The following CSMD1 variants were observed in gnomAD, a reference collection of about 807,000 sequenced individuals.
CSMD1 encodes CUB and sushi domain-containing protein 1.
Under a neutral mutation model 417.5 loss-of-function variants are expected in CSMD1, and 213 were observed. That is an observed-to-expected ratio of 0.51 (90% CI 0.46 to 0.57). The LOEUF is 0.57. Among genes scored for constraint, CSMD1 ranks in the 20% least tolerant of loss-of-function variants. The pLI is 0.00. For missense variants in CSMD1, 6,923 were observed against 4,529.7 expected (o/e 1.53, Z -15.17); for synonymous variants, 2,862 against 1,736.8 (o/e 1.65, Z -16.11).
At chr8:4,855,282 A>T (rs1160921347) in intron 1 of CSMD1, among the ~76,000 whole-genome samples, 1 of 151,800 alleles carries the variant, frequency 6.6e-6, no homozygotes, top group Non-Finnish European at 1.5e-5. Context: ...ATCATCAAAG[A>T]CCAAAAGTAG....
At chr8:3,809,827 C>T (rs1032220528) in intron 5 of CSMD1, among the ~76,000 whole-genome samples, 5 of 152,104 alleles carry the variant, frequency 3.3e-5, no homozygotes, top group South Asian at 2.1e-4. Flanking sequence ...ATACTGAAAA[C>T]GCAAGAATGC....
intron 37 of CSMD1, among the ~76,000 whole-genome samples, chr8:3,168,291 G>A (rs891662761): frequency 6.6e-6 from 1 of 152,076 alleles, no homozygotes; most frequent in Non-Finnish European, 1.5e-5. Context: ...ACAACTTGTT[G>A]GCTGTAGTGT....
chr8:3,395,096 T>G (rs564431073), intron 17 of CSMD1, among the ~76,000 whole-genome samples: 1 of 152,022 alleles, frequency 6.6e-6, no homozygotes, highest in Non-Finnish European at 1.5e-5. Context: ...ATGTGGGGAA[T>G]GGAAGGCAAG....
chr8:4,728,675 G>C (rs1809634591), intron 1 of CSMD1, among the ~76,000 whole-genome samples: 1 of 151,946 alleles, frequency 6.6e-6, no homozygotes, highest in South Asian at 2.1e-4. Flanking sequence ...TGCTTAAGTG[G>C]ATAATGCTTC....
chr8:3,745,363 G>A (rs1439165850), intron 6 of CSMD1, among the ~76,000 whole-genome samples: 1 of 152,120 alleles, frequency 6.6e-6, no homozygotes, highest in African/African-American at 2.4e-5. Context: ...CACTGAGACT[G>A]AGCTGACCAG....
At chr8:3,254,442 T>G (rs2117049994) in intron 26 of CSMD1, among the ~76,000 whole-genome samples, 1 of 152,356 alleles carries the variant, frequency 6.6e-6, no homozygotes, top group Middle Eastern at 3.4e-3. Flanking sequence ...ATTGGGGAAG[T>G]TCTCCTGGTT....
At chr8:3,158,052 CCTTT>C in intron 38 of CSMD1, 86 bp from the exon 39 acceptor site, 5 of 1,114,364 alleles carry the variant, frequency 4.5e-6, no homozygotes, top group Non-Finnish European at 5.2e-6. Flanking sequence ...TGCATTTTTT[CCTTT>C]CTTGTTTTAA....
chr8:4,075,854 G>A (rs1585259513), intron 3 of CSMD1, among the ~76,000 whole-genome samples: 1 of 152,202 alleles, frequency 6.6e-6, no homozygotes, highest in Non-Finnish European at 1.5e-5. Flanking sequence ...TTGTCCTCAG[G>A]GAGCCAGTTC....
At position 4,381,264 on chromosome 8, in the gene CSMD1, G is replaced by C. The variant is rs142447345; in HGVS notation, c.415+38689C>G. 7.2e-5 allele frequency among the ~76,000 whole-genome samples: 11 copies of C among 152,250 alleles called. No homozygotes were observed. In the East Asian group the frequency reaches 2.1e-3, roughly 29 times the overall value. On this transcript the variant is annotated intron_variant, in intron 3 of 69. Coordinates refer to ENST00000635120, the MANE Select transcript of CSMD1 (RefSeq NM_033225.6). ...GGGAGCATCTGAGTGAGGAATAAAG[G>C]CGTCAAAACAGCCTTCCAGAGGTTG...
At chr8:3,527,969 G>A (rs974705730) in intron 10 of CSMD1, among the ~76,000 whole-genome samples, 2 of 152,216 alleles carry the variant, frequency 1.3e-5, no homozygotes, top group East Asian at 1.9e-4. Flanking sequence ...TGTGGCCTCC[G>A]CCCACCACAC....
chr8:2,993,148 A>C (rs1193843896), intron 54 of CSMD1, among the ~76,000 whole-genome samples: 1 of 152,176 alleles, frequency 6.6e-6, no homozygotes, highest in East Asian at 1.9e-4. Flanking sequence ...CTCATTAAAA[A>C]CTGCTTCCCT....
At chr8:3,409,376 G>A (rs77588066) in intron 13 of CSMD1, 47 bp downstream of exon 13, 1 of 1,476,244 alleles carries the variant, frequency 6.8e-7, no homozygotes, top group East Asian at 2.5e-5. Context: ...CCCCTTGCAA[G>A]ATCCTTGCAG....
intron 8 of CSMD1, among the ~76,000 whole-genome samples, chr8:3,610,942 A>G (rs1490331207): frequency 6.6e-6 from 1 of 151,970 alleles, no homozygotes; most frequent in African/African-American, 2.4e-5. Context: ...GCACCAGTCA[A>G]GCAACAGCAC....
chr8:4,260,771 G>C (rs1414945624), intron 3 of CSMD1, among the ~76,000 whole-genome samples: 1 of 151,962 alleles, frequency 6.6e-6, no homozygotes, highest in African/African-American at 2.4e-5. Context: ...AGTTATATAG[G>C]ACATACAACT....
At position 3,489,981 on chromosome 8, in the gene CSMD1, C is replaced by T. The variant is rs149780075; in HGVS notation, c.1448+3642G>A. 3.5e-3 allele frequency among the ~76,000 whole-genome samples: 527 copies of T among 152,304 alleles called. 2 individuals carry two copies. The highest frequency in any genetic ancestry group is 6.1e-3 in the Non-Finnish European group (418 of 68,022). ...TGACTAGTATTTAAACTATTCCAGT[C>T]TATCTGTCATTTCTCCAATTAGATG... On this transcript the variant is annotated intron_variant, in intron 11 of 69. Transcript: ENST00000635120.
chr8:4,585,034 G>T (rs1267504261), intron 2 of CSMD1, among the ~76,000 whole-genome samples: 4 of 148,942 alleles, frequency 2.7e-5, no homozygotes, highest in Non-Finnish European at 3.0e-5. Flanking sequence ...TCATACAAAA[G>T]ATTCTATATT....
chr8:3,690,755 T>C (rs1231494419), intron 7 of CSMD1, among the ~76,000 whole-genome samples: 1 of 152,228 alleles, frequency 6.6e-6, no homozygotes, highest in African/African-American at 2.4e-5. Flanking sequence ...TTAAATGTTT[T>C]CTTACTTTTA....
chr8:3,894,775 G>C (rs757847770), intron 5 of CSMD1, among the ~76,000 whole-genome samples: 3 of 152,184 alleles, frequency 2.0e-5, no homozygotes, highest in Non-Finnish European at 4.4e-5. Context: ...ATGTCAATTA[G>C]AAGTGCATAG....
chr8:3,746,894 A>G lies in CSMD1; in HGVS notation c.931+7036T>C, dbSNP rs531675029. Among the ~76,000 whole-genome samples, 4 of 152,316 alleles carry G rather than the reference A, an allele frequency of 2.6e-5. No individual in the cohort carries two copies. In the East Asian group the frequency reaches 7.7e-4, roughly 29 times the overall value. Reference sequence around the variant, plus strand: ...GTCATCACATGGCCAGCCCAAGAGGACTGAGTACAGTGGGTCAGGACACTG... The same window carrying G: ...GTCATCACATGGCCAGCCCAAGAGGGCTGAGTACAGTGGGTCAGGACACTG... On this transcript the variant is annotated intron_variant, in intron 6 of 69. Transcript: ENST00000635120.
Sources: allele counts gnomAD v4.1 joint callset (sites outside exome capture counted in the v4.1 genomes callset), GRCh38; gene constraint gnomAD v4.1.1; transcripts MANE v1.5; gene names NCBI Gene and HGNC (gene_info 2026-07-23, HGNC 2026-07-21).